MDM1: variants seen among roughly 807,000 people sequenced by gnomAD.
The protein encoded by MDM1 is stabilizer of axonemal microtubules 6.
Under a neutral mutation model 89.1 loss-of-function variants are expected in MDM1, and 61 were observed. That is an observed-to-expected ratio of 0.68 (90% CI 0.56 to 0.85). The LOEUF is 0.85. Ranked by LOEUF, MDM1 falls within the 40% of genes least tolerant of loss-of-function variation. The pLI is 0.00. For missense variants in MDM1, 820 were observed against 846.5 expected (o/e 0.97, Z 0.39); for synonymous variants, 290 against 294.1 (o/e 0.99, Z 0.14).
At chr12:68,316,739 G>A (rs1319089606) in intron 7 of MDM1, 129 bp from the exon 8 acceptor site, 1 of 764,784 alleles carries the variant, frequency 1.3e-6, no homozygotes, top group Non-Finnish European at 2.1e-6. Context: ...TATTTCTTGG[G>A]ATTTTTAGTA....
intron 13 of MDM1, among the ~76,000 whole-genome samples, chr12:68,299,372 C>A (rs776933882): frequency 4.8e-4 from 73 of 151,064 alleles, no homozygotes; most frequent in Non-Finnish European, 9.7e-4. Context: ...AAGGTGAAAA[C>A]CAACATAAAG....
chr12:68,316,003 T>A (rs1430712070), intron 9 of MDM1, 75 bp downstream of exon 9: 1 of 1,255,070 alleles, frequency 8.0e-7, no homozygotes, highest in Admixed American at 2.7e-5. Flanking sequence ...AGTAGTCAGG[T>A]CATTTTCCTA....
chr12:68,331,992 G>A, intron 1 of MDM1: 1 of 702,964 alleles, frequency 1.4e-6, no homozygotes, highest in Non-Finnish European at 2.6e-6. Flanking sequence ...AAGTAAATGT[G>A]TCTCGCACCA....
At position 68,325,230 on chromosome 12, in the gene MDM1, A is replaced by G. The variant is rs973410323; in HGVS notation, c.633+211T>C. The G allele has an allele frequency of 1.1e-4, 131 of 1,166,556 alleles. No homozygotes were observed. In the Middle Eastern group the frequency reaches 1.4e-3, roughly 12 times the overall value. The allele number at this position is 1,166,556 out of a possible 1,614,324, so 72.3% of individuals were successfully genotyped here. A position where few individuals can be genotyped will look rare whatever the true frequency, so the allele number is the denominator to read the frequency against. On this transcript the variant is annotated intron_variant, in intron 4 of 14. Transcript: ENST00000682720. ...TTTAGTATATGTGCTGCATCTGGCA[A>G]CAATGATCATCAGAAGCCTAGGACA...
chr12:68,307,374 T>C (rs1244400153), intron 12 of MDM1, among the ~76,000 whole-genome samples: 1 of 152,212 alleles, frequency 6.6e-6, no homozygotes, highest in Non-Finnish European at 1.5e-5. Flanking sequence ...GGCTCAAGCC[T>C]GTAATCATCC....
In MDM1 at chr12:68,315,268, G is replaced by A. The variant is rs79522491; in HGVS notation, c.1212-3C>T. On this transcript the variant is annotated splice_polypyrimidine_tract_variant and splice_region_variant and intron_variant, in intron 9 of 14. Coordinates refer to ENST00000682720, the MANE Select transcript of MDM1 (RefSeq NM_001354969.2). The stretch of plus-strand genomic sequence containing the variant: ...AAGTCTTATGGCTTGTAGGATCTCT[G>A]CGTAACAAAATCAATTTTATTTTAA... The A allele has an allele frequency of 5.0e-6, 8 of 1,597,454 alleles. No individual in the cohort carries two copies. The highest frequency in any genetic ancestry group is 6.0e-6 in the Non-Finnish European group (7 of 1,172,120).
chr12:68,324,919 A>AC, intron 4 of MDM1: 1 of 757,114 alleles, frequency 1.3e-6, no homozygotes, highest in Non-Finnish European at 1.6e-6. Flanking sequence ...CCACATCATT[A>AC]CAGCTTTTGA....
intron 2 of MDM1, among the ~76,000 whole-genome samples, chr12:68,329,878 A>G (rs1876539410): frequency 6.6e-6 from 1 of 152,232 alleles, no homozygotes; most frequent in Non-Finnish European, 1.5e-5. Flanking sequence ...TAACAAGAAC[A>G]TGACCTCTGA....
chr12:68,298,818 C>A (rs958552605), intron 13 of MDM1, among the ~76,000 whole-genome samples: 8 of 152,056 alleles, frequency 5.3e-5, no homozygotes, highest in Non-Finnish European at 1.0e-4. Flanking sequence ...TGGCCTGAAG[C>A]CTGAACTATC....
At chr12:68,313,916 C>T (rs537295721) in intron 10 of MDM1, among the ~76,000 whole-genome samples, 163 bp from the exon 11 acceptor site, 16 of 152,132 alleles carry the variant, frequency 1.1e-4, no homozygotes, top group South Asian at 2.1e-4. Flanking sequence ...CCGAGGCGGG[C>T]GGATCAGGAG....
chr12:68,306,763 C>T (rs1042591354), intron 12 of MDM1, among the ~76,000 whole-genome samples: 8 of 151,852 alleles, frequency 5.3e-5, no homozygotes, highest in Non-Finnish European at 8.8e-5. Flanking sequence ...GAAAAGGAAA[C>T]GCAACCCCTT....
At chr12:68,306,534 CT>C (rs2120855393) in intron 12 of MDM1, among the ~76,000 whole-genome samples, 1 of 151,194 alleles carries the variant, frequency 6.6e-6, no homozygotes, top group South Asian at 2.2e-4. Flanking sequence ...CTATAAGGAA[CT>C]TAACAAGAAA....
chr12:68,325,289 G>A, intron 4 of MDM1, 152 bp downstream of exon 4: 1 of 1,332,000 alleles, frequency 7.5e-7, no homozygotes, highest in East Asian at 2.7e-5. Flanking sequence ...ATAAGTAATA[G>A]GATGATTTTA....
chr12:68,326,331 G>GT (rs1285204476), intron 3 of MDM1: 2 of 1,380,794 alleles, frequency 1.4e-6, no homozygotes, highest in Admixed American at 3.2e-5. Context: ...CCTGCCAGAA[G>GT]TAAGGGCCTA....
chr12:68,315,091 G>T lies in MDM1; in HGVS notation c.1386C>A (p.Asp462Glu). Reference protein sequence around the residue: ...LAWDTENTSEDVQKQPGEKEE... With the variant: ...LAWDTENTSEEVQKQPGEKEE... ...CTTTCTCCCCGGGCTGTTTCTGTAC[G>T]TCTTCACTTGTGTTCTCTGTATCCC... is the stretch of plus-strand genomic sequence containing the variant. The change falls in exon 10 of 15, where the codon GAC becomes GAA. Residue 462 changes from aspartate (D) to glutamate (E), a missense_variant. By Grantham distance (45) the Asp-to-Glu change is conservative. Transcript: ENST00000682720. The T allele has an allele frequency of 6.2e-7, 1 of 1,613,840 alleles. No homozygotes were observed. Among genetic ancestry groups the T allele is most frequent in the Non-Finnish European group, 8.5e-7 (1 of 1,179,986 alleles).
In MDM1 at chr12:68,330,966, A is replaced by C. The variant is rs146293748; in HGVS notation, c.133+141T>G. The C allele has an allele frequency of 6.0e-4, 371 of 621,776 alleles. 1 individual carries two copies. In the East Asian group the frequency reaches 9.3e-3, roughly 16 times the overall value. 38.5% of individuals were successfully genotyped at this position (621,776 alleles called of 1,614,324 possible). A position where few individuals can be genotyped will look rare whatever the true frequency, so the allele number is the denominator to read the frequency against. The stretch of plus-strand genomic sequence containing the variant: ...CAATAAATACTTGATTAATAAATGA[A>C]TAAATCAACCAGGCCAACTGAACTT... On this transcript the variant is annotated intron_variant, in intron 2 of 14. Transcript: ENST00000682720.
At chr12:68,319,432 C>T (rs1592979864) in intron 7 of MDM1, among the ~76,000 whole-genome samples, 1 of 152,154 alleles carries the variant, frequency 6.6e-6, no homozygotes, top group Admixed American at 6.5e-5. Context: ...AATATTCCAA[C>T]AACAAAGTCA....
intron 7 of MDM1, among the ~76,000 whole-genome samples, chr12:68,319,210 T>C (rs372578436): frequency 3.9e-5 from 6 of 152,300 alleles, no homozygotes; most frequent in South Asian, 4.1e-4. Flanking sequence ...TAAAAAGCAA[T>C]AGTCAAGTGG....
chr12:68,313,823 C>T, intron 10 of MDM1, 70 bp from the exon 11 acceptor site: 1 of 1,295,140 alleles, frequency 7.7e-7, no homozygotes, highest in Non-Finnish European at 1.1e-6. Flanking sequence ...AATACTTTGC[C>T]ATCATTGTGC....
Sources: allele counts gnomAD v4.1 joint callset (sites outside exome capture counted in the v4.1 genomes callset), GRCh38; gene constraint gnomAD v4.1.1; transcripts MANE v1.5; gene names NCBI Gene and HGNC (gene_info 2026-07-23, HGNC 2026-07-21).